SPATA17: variants seen among roughly 807,000 people sequenced by gnomAD.
SPATA17 encodes spermatogenesis-associated protein 17.
A neutral mutation model predicts 62.2 loss-of-function variants in SPATA17; 53 were observed. That is an observed-to-expected ratio of 0.85 (90% CI 0.68 to 1.07). SPATA17 has a LOEUF of 1.07. Ranked by LOEUF, SPATA17 falls within the 50% of genes least tolerant of loss-of-function variation. The probability of loss-of-function intolerance (pLI) is 0.00; values close to 1 mark genes in which losing one functional copy is unlikely to be tolerated. For synonymous variants in SPATA17, 146 were observed against 146.8 expected (o/e 0.99, Z 0.04); for missense variants, 466 against 425.5 (o/e 1.10, Z -0.84).
intron 1 of SPATA17, among the ~76,000 whole-genome samples, chr1:217,636,504 C>T (rs1669946387): frequency 6.6e-6 from 1 of 152,084 alleles, no homozygotes; most frequent in Non-Finnish European, 1.5e-5. Flanking sequence ...CCTCTGCCTC[C>T]CAGGTTCAGC....
At chr1:217,738,245 C>A (rs1395398213) in intron 5 of SPATA17, among the ~76,000 whole-genome samples, 1 of 152,158 alleles carries the variant, frequency 6.6e-6, no homozygotes, top group African/African-American at 2.4e-5. Flanking sequence ...TTTTCTGTCT[C>A]CTATTTTCCA....
intron 5 of SPATA17, among the ~76,000 whole-genome samples, chr1:217,703,376 T>A (rs1671649420): frequency 6.6e-6 from 1 of 151,972 alleles, no homozygotes; most frequent in Non-Finnish European, 1.5e-5. Flanking sequence ...TTCGCCATGT[T>A]GGTCAGGCTG....
intron 9 of SPATA17, chr1:217,850,501 A>G (rs1005977244): frequency 1.2e-5 from 19 of 1,535,868 alleles, no homozygotes; most frequent in Non-Finnish European, 1.7e-5. Context: ...ATGCCTGCAA[A>G]GATGAGCCTC....
At chr1:217,691,529 C>T (rs1671354803) in intron 5 of SPATA17, among the ~76,000 whole-genome samples, 1 of 83,486 alleles carries the variant, frequency 1.2e-5, no homozygotes, top group Non-Finnish European at 2.4e-5. Flanking sequence ...CTTTTGCTGC[C>T]ATTGCTTTTG....
intron 5 of SPATA17, among the ~76,000 whole-genome samples, chr1:217,727,139 C>A (rs1672280014): frequency 6.6e-6 from 1 of 151,600 alleles, no homozygotes; most frequent in Non-Finnish European, 1.5e-5. Flanking sequence ...CCCAGCTACT[C>A]GGGAGGCTGA....
intron 4 of SPATA17, among the ~76,000 whole-genome samples, chr1:217,673,090 C>A (rs1670867514): frequency 6.6e-6 from 1 of 151,994 alleles, no homozygotes; most frequent in Non-Finnish European, 1.5e-5. Flanking sequence ...CTTATTTAAG[C>A]CTTTGCTGGG....
chr1:217,769,301 G>GA (rs1227850861), intron 6 of SPATA17, among the ~76,000 whole-genome samples: 7 of 152,172 alleles, frequency 4.6e-5, no homozygotes. Context: ...ATAGTTAGGG[G>GA]AACCTTCTAA....
intron 5 of SPATA17, 138 bp downstream of exon 5, chr1:217,683,499 C>T (rs561821354): frequency 1.6e-4 from 94 of 573,732 alleles, no homozygotes; most frequent in South Asian, 5.9e-4. Flanking sequence ...AGTGCAGTGG[C>T]GCAATCTCGG....
chr1:217,788,455 G>A (rs1376858174), intron 8 of SPATA17, among the ~76,000 whole-genome samples: 2 of 152,072 alleles, frequency 1.3e-5, no homozygotes, highest in Admixed American at 1.3e-4. Flanking sequence ...AAAGGTCTTT[G>A]CAGATTTGAT....
chr1:217,756,130 G>GT (rs747918942), intron 6 of SPATA17, among the ~76,000 whole-genome samples: 50 of 152,142 alleles, frequency 3.3e-4, no homozygotes, highest in Non-Finnish European at 3.1e-4. Context: ...ATAAATGAAT[G>GT]TTTTATGTAC....
intron 6 of SPATA17, among the ~76,000 whole-genome samples, chr1:217,748,172 G>T (rs1473263354): frequency 6.6e-6 from 1 of 151,524 alleles, no homozygotes; most frequent in African/African-American, 2.4e-5. Context: ...GCATGGTGGC[G>T]AGCGCCTGTA....
At chr1:217,703,345 T>C (rs1046509898) in intron 5 of SPATA17, among the ~76,000 whole-genome samples, 1 of 151,870 alleles carries the variant, frequency 6.6e-6, no homozygotes, top group Non-Finnish European at 1.5e-5. Context: ...CTAGCTTTTG[T>C]GTTTTTAGTA....
Position 217,870,257 on chromosome 1 carries a change from C to T in SPATA17, c.*3238C>T, listed in dbSNP as rs1360463112. On this transcript the variant is annotated 3_prime_UTR_variant, in exon 11 of 11. Coordinates refer to ENST00000366933, the MANE Select transcript of SPATA17 (RefSeq NM_138796.4). ...TGGTACTCAGATAAAAACTTTGAAG[C>T]ATTTTATTGTTCAGAATATGACTTT... 6.6e-6 allele frequency: 1 copy of T among 152,030 alleles called. No individual in the cohort carries two copies. The highest frequency in any genetic ancestry group is 1.5e-5 in the Non-Finnish European group (1 of 68,000). The allele number at this position is 152,030 out of a possible 1,614,324, so 9.4% of individuals were successfully genotyped here.
chr1:217,784,424 C>T (rs1673805079), intron 8 of SPATA17, among the ~76,000 whole-genome samples: 1 of 152,064 alleles, frequency 6.6e-6, no homozygotes, highest in East Asian at 1.9e-4. Context: ...CTTTTGTTTT[C>T]ATATCATTAT....
chr1:217,772,994 A>C (rs1461859410), intron 6 of SPATA17, among the ~76,000 whole-genome samples: 1 of 151,374 alleles, frequency 6.6e-6, no homozygotes, highest in Admixed American at 6.6e-5. Context: ...CATTTGGTAT[A>C]GGATGTTGCA....
At chr1:217,683,758 T>A (rs936008154) in intron 5 of SPATA17, among the ~76,000 whole-genome samples, 2 of 152,086 alleles carry the variant, frequency 1.3e-5, no homozygotes, top group Non-Finnish European at 2.9e-5. Context: ...TTTCTAAAAG[T>A]CAGTGATGTT....
In SPATA17 at chr1:217,712,850, G is replaced by T. The variant is rs74832227; in HGVS notation, c.396-29125G>T. Among the ~76,000 whole-genome samples the T allele has an allele frequency of 3.3e-5, 5 of 152,142 alleles. 1 individual carries two copies. The highest frequency in any genetic ancestry group is 1.2e-4 in the African/African-American group (5 of 41,494). On this transcript the variant is annotated intron_variant, in intron 5 of 10. Transcript: ENST00000366933. Reference sequence around the variant, plus strand: ...TGGCATCCAGAGACCAGCAGCACTCGGAAGGTGTTCCTACTGGCAGAGTTG... The same window carrying T: ...TGGCATCCAGAGACCAGCAGCACTCTGAAGGTGTTCCTACTGGCAGAGTTG...
At chr1:217,654,284 C>A (rs927911226) in intron 3 of SPATA17, among the ~76,000 whole-genome samples, 1 of 151,790 alleles carries the variant, frequency 6.6e-6, no homozygotes, top group Non-Finnish European at 1.5e-5. Context: ...ATTACAGGGA[C>A]CTGCCATCAC....
chr1:217,707,355 A>T (rs936414701), intron 5 of SPATA17, among the ~76,000 whole-genome samples: 1 of 152,130 alleles, frequency 6.6e-6, no homozygotes, highest in African/African-American at 2.4e-5. Context: ...TTGGTGTAGA[A>T]TCATATCATC....
Sources: gnomAD v4.1 joint callset for allele counts (sites outside exome capture counted in the v4.1 genomes callset) on GRCh38, gnomAD v4.1.1 for gene constraint, MANE v1.5 for transcripts, NCBI Gene and HGNC (gene_info 2026-07-23, HGNC 2026-07-21) for gene names.